CTNNA3: variants seen among roughly 807,000 people sequenced by gnomAD.
The protein encoded by CTNNA3 is catenin alpha-3.
CTNNA3 carries 76 observed loss-of-function variants against 95.7 expected under a neutral mutation model. That is an observed-to-expected ratio of 0.79 (90% CI 0.66 to 0.96). CTNNA3 has a LOEUF of 0.96. Ranked by LOEUF, CTNNA3 falls within the 40% of genes least tolerant of loss-of-function variation. CTNNA3 has a pLI of 0.00. For missense variants in CTNNA3, 1,191 were observed against 1,089.8 expected, an observed-to-expected ratio of 1.09 and a Z score of -1.31; for synonymous variants, 431 against 374.4, an observed-to-expected ratio of 1.15 and a Z score of -1.74.
intron 5 of CTNNA3, among the ~76,000 whole-genome samples, chr10:67,500,013 A>G (rs1421110394): frequency 1.3e-5 from 2 of 151,842 alleles, no homozygotes; most frequent in African/African-American, 4.8e-5. Context: ...AGTTCTTTTA[A>G]TTGTGACGTT....
intron 7 of CTNNA3, among the ~76,000 whole-genome samples, chr10:66,790,002 A>G (rs1303796327): frequency 2.0e-5 from 3 of 152,186 alleles, no homozygotes; most frequent in African/African-American, 7.2e-5. Context: ...TATATTAAAA[A>G]TGACACAGAG....
intron 5 of CTNNA3, among the ~76,000 whole-genome samples, chr10:67,427,532 C>G (rs1845965720): frequency 6.6e-6 from 1 of 152,014 alleles, no homozygotes; most frequent in Non-Finnish European, 1.5e-5. Context: ...AGAAAGCTCA[C>G]TGCCTTCTCG....
In CTNNA3 at chr10:66,379,213, A is replaced by C. The variant is rs1203211719; in HGVS notation, c.1671T>G (p.Ser557Arg). 1 of 1,614,058 alleles carries C rather than the reference A, an allele frequency of 6.2e-7. No homozygotes were observed. The highest frequency in any genetic ancestry group is 1.7e-5 in the Admixed American group (1 of 60,006). The part of the protein sequence containing the change: ...VAHIVTGEMD[S>R]YEPGAYTEGV... ...CTTCCGTGTAAGCCCCTGGCTCGTA[A>C]CTGTCCATTTCACCCGTGACGATGT... The change falls in exon 12 of 18, where the codon AGT becomes AGG. Residue 557 changes from serine to arginine, a missense_variant. Physicochemically the swap from Ser to Arg is moderately radical, Grantham distance 110 (BLOSUM62 -1). Coordinates refer to ENST00000433211, the MANE Select transcript of CTNNA3 (RefSeq NM_013266.4).
At chr10:66,484,402 A>AT (rs1839653351) in intron 11 of CTNNA3, among the ~76,000 whole-genome samples, 2 of 152,024 alleles carry the variant, frequency 1.3e-5, no homozygotes, top group Admixed American at 1.3e-4. Context: ...ACAAAATTTC[A>AT]TTTTTTATTT....
chr10:66,638,473 G>A (rs1032347582), intron 9 of CTNNA3, among the ~76,000 whole-genome samples: 2 of 152,142 alleles, frequency 1.3e-5, no homozygotes, highest in Non-Finnish European at 2.9e-5. Context: ...GGACTTCTGG[G>A]CGGGGGCAGG....
At chr10:67,080,467 G>C (rs1856989924) in intron 7 of CTNNA3, among the ~76,000 whole-genome samples, 1 of 152,172 alleles carries the variant, frequency 6.6e-6, no homozygotes, top group African/African-American at 2.4e-5. Context: ...TTAGGTCCCA[G>C]CATCGCAATA....
intron 12 of CTNNA3, among the ~76,000 whole-genome samples, chr10:66,288,244 C>T (rs993342852): frequency 1.2e-4 from 18 of 151,962 alleles, no homozygotes; most frequent in African/African-American, 4.1e-4. Context: ...AATAAGAAGA[C>T]TTGTTATATA....
intron 7 of CTNNA3, among the ~76,000 whole-genome samples, chr10:67,090,963 T>C (rs897691326): frequency 1.3e-5 from 2 of 151,982 alleles, no homozygotes; most frequent in Admixed American, 1.3e-4. Context: ...GAAACCAAAA[T>C]AGTGATTAGT....
chr10:67,363,890 G>C (rs1258027307), intron 5 of CTNNA3, among the ~76,000 whole-genome samples: 1 of 152,144 alleles, frequency 6.6e-6, no homozygotes, highest in Non-Finnish European at 1.5e-5. Flanking sequence ...AACTCTTCCA[G>C]AGGTACAAAG....
Position 65,963,918 on chromosome 10 carries a change from A to G in CTNNA3, c.2400+2694T>C, listed in dbSNP as rs556517415. On this transcript the variant is annotated intron_variant, in intron 17 of 17. Transcript: ENST00000433211. ...TTTATCCTAAACCTTCACACCTCAGACCCAGAACAGAACATACTGCCCATT... is the reference window on the plus strand; with the variant it reads ...TTTATCCTAAACCTTCACACCTCAGGCCCAGAACAGAACATACTGCCCATT... Among the ~76,000 whole-genome samples the G allele has an allele frequency of 6.6e-5, 10 of 152,292 alleles. No individual in the cohort carries two copies. In the East Asian group the frequency reaches 1.9e-3, roughly 29 times the overall value.
chr10:66,774,768 A>G (rs1366797746), intron 8 of CTNNA3, among the ~76,000 whole-genome samples: 2 of 152,244 alleles, frequency 1.3e-5, no homozygotes, highest in African/African-American at 4.8e-5. Flanking sequence ...AAAGGAATGA[A>G]GAGCAAATGT....
chr10:67,349,691 G>A (rs1439826447), intron 5 of CTNNA3, among the ~76,000 whole-genome samples: 1 of 152,096 alleles, frequency 6.6e-6, no homozygotes, highest in Non-Finnish European at 1.5e-5. Context: ...GTTGAAAGTA[G>A]ATCTCATATT....
At chr10:66,288,061 T>C (rs982025666) in intron 12 of CTNNA3, among the ~76,000 whole-genome samples, 1 of 152,110 alleles carries the variant, frequency 6.6e-6, no homozygotes, top group African/African-American at 2.4e-5. Context: ...TGGACTGAAC[T>C]GAAGATGTTG....
At chr10:66,748,106 A>G (rs1212019469) in intron 9 of CTNNA3, among the ~76,000 whole-genome samples, 1 of 152,200 alleles carries the variant, frequency 6.6e-6, no homozygotes, top group Non-Finnish European at 1.5e-5. Flanking sequence ...TATCAGCACC[A>G]TCTCATGCCA....
At chr10:66,852,882 C>T (rs1843546528) in intron 7 of CTNNA3, among the ~76,000 whole-genome samples, 1 of 152,138 alleles carries the variant, frequency 6.6e-6, no homozygotes, top group Non-Finnish European at 1.5e-5. Context: ...TTTAACTCCT[C>T]ATCCCTTGTA....
intron 5 of CTNNA3, among the ~76,000 whole-genome samples, chr10:67,322,776 T>A (rs1319606627): frequency 6.6e-6 from 1 of 152,170 alleles, no homozygotes; most frequent in African/African-American, 2.4e-5. Context: ...ATTTCTGTCT[T>A]TAGGTCTTTG....
At chr10:67,115,892 A>T (rs2131981271) in intron 7 of CTNNA3, among the ~76,000 whole-genome samples, 1 of 152,058 alleles carries the variant, frequency 6.6e-6, no homozygotes, top group East Asian at 1.9e-4. Flanking sequence ...ACCTCTAAAG[A>T]AGTTTAGCAA....
At chr10:67,321,994 C>T (rs2620920) in intron 5 of CTNNA3, among the ~76,000 whole-genome samples, 106,084 of 151,932 alleles carry the variant, frequency 0.7, 41,479 homozygotes, top group Non-Finnish European at 0.88. Context: ...CTAGTGTGTG[C>T]GCCACACAGA....
chr10:66,152,996 A>T (rs2084282522), intron 13 of CTNNA3, among the ~76,000 whole-genome samples: 3 of 151,906 alleles, frequency 2.0e-5, no homozygotes, highest in Non-Finnish European at 2.9e-5. Context: ...TCTCATAGAC[A>T]ACTTGGGCTC....
Sources: allele counts gnomAD v4.1 joint callset (sites outside exome capture counted in the v4.1 genomes callset), GRCh38; gene constraint gnomAD v4.1.1; transcripts MANE v1.5; gene names NCBI Gene and HGNC (gene_info 2026-07-23, HGNC 2026-07-21).